TLK2: variants seen among roughly 807,000 people sequenced by gnomAD.
The protein encoded by TLK2 is serine/threonine-protein kinase tousled-like 2.
In TLK2, 6 loss-of-function variants were observed where a neutral mutation model predicts 117.3. That is an observed-to-expected ratio of 0.05 (90% CI 0.03 to 0.10). The LOEUF (loss-of-function observed/expected upper bound fraction) is 0.10. TLK2 is among the 10% of genes least tolerant of loss of function. The probability of loss-of-function intolerance (pLI) is 1.00; values close to 1 mark genes in which losing one functional copy is unlikely to be tolerated. For synonymous variants in TLK2, 257 were observed against 316.7 expected, an observed-to-expected ratio of 0.81 and a Z score of 2.00; for missense variants, 299 against 901.2, an observed-to-expected ratio of 0.33 and a Z score of 8.56.
intron 15 of TLK2, among the ~76,000 whole-genome samples, chr17:62,584,334 C>G (rs900302593): frequency 1.3e-5 from 2 of 151,178 alleles, no homozygotes; most frequent in Admixed American, 1.3e-4. Context: ...TTAGGATGGT[C>G]TCGATCTCCC....
chr17:62,557,931 A>G (rs1433498708), intron 9 of TLK2, among the ~76,000 whole-genome samples: 1 of 152,230 alleles, frequency 6.6e-6, no homozygotes, highest in South Asian at 2.1e-4. Context: ...CTTTATTTGT[A>G]TGTAGAGCAG....
At chr17:62,601,926 A>G in intron 18 of TLK2, 116 bp from the exon 19 acceptor site, 1 of 876,204 alleles carries the variant, frequency 1.1e-6, no homozygotes, top group Non-Finnish European at 1.7e-6. Context: ...CAGGATTTGG[A>G]TGTTTGCTTT....
chr17:62,574,265 C>T, intron 12 of TLK2: 4 of 1,521,234 alleles, frequency 2.6e-6, no homozygotes, highest in Non-Finnish European at 2.6e-6. Context: ...ATCCTCACCC[C>T]ATACATATCT....
intron 11 of TLK2, 45 bp downstream of exon 11, chr17:62,565,182 T>G (rs2079651004): frequency 6.4e-7 from 1 of 1,574,782 alleles, no homozygotes; most frequent in Middle Eastern, 1.7e-4. Context: ...AAAGTTCGTT[T>G]GCATTTTTTA....
chr17:62,535,242 A>G (rs1168596218), intron 6 of TLK2, among the ~76,000 whole-genome samples: 1 of 152,086 alleles, frequency 6.6e-6, no homozygotes, highest in Non-Finnish European at 1.5e-5. Context: ...TTGGTATCCA[A>G]CAGGAAGAAT....
intron 2 of TLK2, among the ~76,000 whole-genome samples, chr17:62,509,895 G>A (rs1403401170): frequency 6.6e-6 from 1 of 152,202 alleles, no homozygotes; most frequent in Non-Finnish European, 1.5e-5. Context: ...GCAGAGCCTG[G>A]ACCCTCACCA....
chr17:62,474,964 C>G (rs1598054493), upstream of TLK2, among the ~76,000 whole-genome samples: 1 of 152,240 alleles, frequency 6.6e-6, no homozygotes, highest in East Asian at 1.9e-4. Context: ...CTATGCTTGG[C>G]TCCTGTCTAT....
chr17:62,528,338 T>C lies in TLK2; in HGVS notation c.363+4007T>C, dbSNP rs530097217. On this transcript the variant is annotated intron_variant, in intron 6 of 21. Transcript: ENST00000346027. ...ATAAAGTATGTAAAACATGAAAGTT[T>C]TCATGCAGGAGTTGGCAAAAGACAG... Among the ~76,000 whole-genome samples the C allele has an allele frequency of 3.9e-5, 6 of 152,334 alleles. No individual in the cohort carries two copies. In the East Asian group the frequency reaches 9.6e-4, roughly 24 times the overall value.
chr17:62,544,249 G>A (rs373762634), intron 7 of TLK2, among the ~76,000 whole-genome samples: 2 of 152,170 alleles, frequency 1.3e-5, no homozygotes, highest in Admixed American at 6.5e-5. Context: ...AATTTATGAA[G>A]AAAAGAGGTT....
At chr17:62,519,483 A>G (rs2075875381) in intron 2 of TLK2, among the ~76,000 whole-genome samples, 1 of 152,176 alleles carries the variant, frequency 6.6e-6, no homozygotes, top group Non-Finnish European at 1.5e-5. Flanking sequence ...TAGCAATTCC[A>G]TATGCATGTT....
intron 10 of TLK2, among the ~76,000 whole-genome samples, chr17:62,564,443 G>C (rs1198578751): frequency 1.3e-5 from 2 of 150,922 alleles, no homozygotes; most frequent in Non-Finnish European, 2.9e-5. Context: ...GGCTGAGGCA[G>C]GAGAATCGCT....
chr17:62,567,681 A>C (rs747454376), intron 11 of TLK2, among the ~76,000 whole-genome samples: 2 of 152,210 alleles, frequency 1.3e-5, no homozygotes, highest in Non-Finnish European at 2.9e-5. Flanking sequence ...ATGTGAAGTA[A>C]TTTGGTGGGT....
chr17:62,587,041 A>G (rs2081665159), intron 16 of TLK2, among the ~76,000 whole-genome samples: 1 of 151,666 alleles, frequency 6.6e-6, no homozygotes, highest in East Asian at 1.9e-4. Flanking sequence ...TCAGGGTCCC[A>G]CTTCTGTGCT....
intron 7 of TLK2, among the ~76,000 whole-genome samples, chr17:62,549,418 A>AAAAAAAAAAAAAAAAAAAAAAAAG (rs1598512121): frequency 2.3e-4 from 2 of 8,536 alleles, no homozygotes; most frequent in Non-Finnish European, 1.2e-3. Context: ...AAAAAAAAAA[A>AAAAAAAAAAAAAAAAAAAAAAAAG]AAAAAAAAAA....
chr17:62,503,876 G>T (rs2074435971), intron 2 of TLK2, among the ~76,000 whole-genome samples: 1 of 151,652 alleles, frequency 6.6e-6, no homozygotes, highest in South Asian at 2.1e-4. Context: ...TTACAGGCAT[G>T]TGCCACCACC....
intron 6 of TLK2, among the ~76,000 whole-genome samples, chr17:62,532,238 C>G (rs922232779): frequency 1.5e-4 from 23 of 151,858 alleles, no homozygotes; most frequent in Admixed American, 4.6e-4. Flanking sequence ...TTTTCCCCCC[C>G]CAGGGAGACG....
At chr17:62,545,581 C>T (rs536108902) in intron 7 of TLK2, among the ~76,000 whole-genome samples, 7 of 152,044 alleles carry the variant, frequency 4.6e-5, no homozygotes, top group African/African-American at 1.4e-4. Flanking sequence ...TGTGCCATTG[C>T]GCTCCAGCCT....
chr17:62,488,135 A>T (rs1318362915), intron 2 of TLK2, among the ~76,000 whole-genome samples: 1 of 149,398 alleles, frequency 6.7e-6, no homozygotes, highest in African/African-American at 2.5e-5. Flanking sequence ...AGGTTTTACC[A>T]TGTTGGCCAG....
At chr17:62,594,819 CACACACACACA>C (rs1195373944) in intron 16 of TLK2, among the ~76,000 whole-genome samples, 37 of 151,240 alleles carry the variant, frequency 2.4e-4, no homozygotes, top group Non-Finnish European at 2.7e-4. Flanking sequence ...CACACACACA[CACACACACACA>C]CCCCATGTGG....
Sources: gnomAD v4.1 joint callset for allele counts (sites outside exome capture counted in the v4.1 genomes callset) on GRCh38, gnomAD v4.1.1 for gene constraint, MANE v1.5 for transcripts, NCBI Gene and HGNC (gene_info 2026-07-23, HGNC 2026-07-21) for gene names.